Variants in CFAP61 observed in about 807,000 individuals in gnomAD.
CFAP61 encodes cilia- and flagella-associated protein 61.
Under a neutral mutation model 135.6 loss-of-function variants are expected in CFAP61, and 107 were observed. That is an observed-to-expected ratio of 0.79 (90% CI 0.67 to 0.93). The LOEUF (loss-of-function observed/expected upper bound fraction) is 0.93, where lower values mean the gene tolerates loss of function less well. Ranked by LOEUF, CFAP61 falls within the 40% of genes least tolerant of loss-of-function variation. CFAP61 has a pLI of 0.00. For synonymous variants in CFAP61, 575 were observed against 578.5 expected (o/e 0.99, Z 0.09); for missense variants, 1,507 against 1,556.2 (o/e 0.97, Z 0.53).
At chr20:20,276,945 G>T in intron 21 of CFAP61, among the ~76,000 whole-genome samples, 1 of 152,198 alleles carries the variant, frequency 6.6e-6, no homozygotes, top group Non-Finnish European at 1.5e-5. Flanking sequence ...GAACATAAAT[G>T]AATGTCCTAC....
chr20:20,291,945 A>G (rs2055027178), intron 24 of CFAP61, among the ~76,000 whole-genome samples: 1 of 152,182 alleles, frequency 6.6e-6, no homozygotes, highest in Non-Finnish European at 1.5e-5. Flanking sequence ...TTTGAGGGTA[A>G]ACAATATGAC....
Position 20,164,184 on chromosome 20 carries a change from T to G in CFAP61, c.1161T>G (p.Ala387=), listed in dbSNP as rs777029945. 1 of 1,614,078 alleles carries G rather than the reference T, an allele frequency of 6.2e-7. No individual in the cohort carries two copies. Among genetic ancestry groups the G allele is most frequent in the East Asian group, 2.2e-5 (1 of 44,882 alleles). The change falls in exon 11 of 27, where the codon GCT becomes GCG. Residue 387 remains alanine, a synonymous_variant. Coordinates refer to ENST00000245957, the MANE Select transcript of CFAP61 (RefSeq NM_015585.4). Reference sequence around the variant, plus strand: ...CCATCTACAGGGGAGCCTCAGCTGCTTTTTGTATTCAGCTGTTTTGTATTG... The same window carrying G: ...CCATCTACAGGGGAGCCTCAGCTGCGTTTTGTATTCAGCTGTTTTGTATTG... ...FRPIYRGASA[A]FCIQLFCIDE... is the part of the protein sequence containing the mutation.
chr20:20,298,267 G>C lies in CFAP61; in HGVS notation c.3303G>C (p.Thr1101=). ...INKYKMVETI[T]CLSREPFPAS... is the part of the protein sequence containing the mutation. ...AGTATAAAATGGTGGAAACCATCAC[G>C]TGCCTTTCTAGGGAGCCCTTCCCCG... The change falls in exon 25 of 27, where the codon ACG becomes ACC. Residue 1101 remains threonine, a synonymous_variant. Transcript: ENST00000245957. 6.2e-7 allele frequency: 1 copy of C among 1,613,920 alleles called. No individual in the cohort carries two copies. The highest frequency in any genetic ancestry group is 8.5e-7 in the Non-Finnish European group (1 of 1,179,896).
At chr20:20,185,826 C>T (rs2055456099) in intron 13 of CFAP61, among the ~76,000 whole-genome samples, 1 of 152,168 alleles carries the variant, frequency 6.6e-6, no homozygotes. Flanking sequence ...GACACCTATA[C>T]ATATGGTATT....
At chr20:20,309,247 G>T (rs1032759404) in intron 25 of CFAP61, among the ~76,000 whole-genome samples, 3 of 152,066 alleles carry the variant, frequency 2.0e-5, no homozygotes, top group African/African-American at 7.3e-5. Context: ...CACTCCAAAA[G>T]CAATATGTGT....
At chr20:20,174,206 C>T (rs888464235) in intron 13 of CFAP61, among the ~76,000 whole-genome samples, 10 of 152,296 alleles carry the variant, frequency 6.6e-5, no homozygotes, top group East Asian at 1.9e-4. Flanking sequence ...CATGTGTTGT[C>T]GCAGTTGCCA....
chr20:20,161,124 C>T (rs1290345277), intron 10 of CFAP61, among the ~76,000 whole-genome samples: 2 of 152,180 alleles, frequency 1.3e-5, no homozygotes, highest in African/African-American at 4.8e-5. Context: ...CACTAGGAGA[C>T]TCACTGACCA....
intron 25 of CFAP61, among the ~76,000 whole-genome samples, chr20:20,320,403 A>AATAATATTAT (rs2057409677): frequency 2.6e-5 from 2 of 76,630 alleles, no homozygotes; most frequent in Admixed American, 2.7e-4. Flanking sequence ...TAATATATGT[A>AATAATATTAT]ATATATGTAA....
At chr20:20,245,477 T>C (rs1382876315) in intron 18 of CFAP61, among the ~76,000 whole-genome samples, 1 of 152,164 alleles carries the variant, frequency 6.6e-6, no homozygotes, top group East Asian at 1.9e-4. Context: ...ACTTACTCAC[T>C]ATCATGAGAA....
chr20:20,200,579 C>A, intron 17 of CFAP61: 1 of 382,014 alleles, frequency 2.6e-6, no homozygotes, highest in Non-Finnish European at 3.6e-6. Flanking sequence ...ACATAATTTT[C>A]TCATGTTGAC....
At position 20,169,309 on chromosome 20, in the gene CFAP61, T is replaced by C. The variant is rs2054053625; in HGVS notation, c.1246-12T>C. 2 of 1,608,250 alleles carry C rather than the reference T, an allele frequency of 1.2e-6. No individual in the cohort carries two copies. Among genetic ancestry groups the C allele is most frequent in the South Asian group, 2.2e-5 (2 of 89,932 alleles). The stretch of plus-strand genomic sequence containing the variant: ...TATTCTTTCTCTGTGTCCTGGTTTT[T>C]GATGATGTTAGGATAAGAACTTCTG... On this transcript the variant is annotated splice_polypyrimidine_tract_variant and intron_variant, in intron 12 of 26. Transcript: ENST00000245957.
intron 26 of CFAP61, among the ~76,000 whole-genome samples, chr20:20,358,147 G>T (rs1702625035): frequency 7.2e-6 from 1 of 138,630 alleles, no homozygotes; most frequent in Non-Finnish European, 1.5e-5. Flanking sequence ...AGAGGAGGTG[G>T]TCACACTGAG....
chr20:20,199,635 T>A (rs936051389), intron 16 of CFAP61, 133 bp from the exon 17 acceptor site: 1 of 889,120 alleles, frequency 1.1e-6, no homozygotes, highest in African/African-American at 1.8e-5. Flanking sequence ...TATGTTTGTT[T>A]ATTTGCTGAT....
At chr20:20,058,635 A>G (rs1260410251) in intron 2 of CFAP61, among the ~76,000 whole-genome samples, 1 of 152,234 alleles carries the variant, frequency 6.6e-6, no homozygotes, top group Non-Finnish European at 1.5e-5. Flanking sequence ...TTAGCATGGA[A>G]TAGAGGGGGA....
intron 8 of CFAP61, among the ~76,000 whole-genome samples, chr20:20,139,881 A>G (rs1303653249): frequency 6.6e-6 from 1 of 152,250 alleles, no homozygotes; most frequent in Non-Finnish European, 1.5e-5. Context: ...TTTCCTAATT[A>G]TAAAAGAAGC....
intron 20 of CFAP61, among the ~76,000 whole-genome samples, chr20:20,254,786 G>T (rs779577634): frequency 6.6e-6 from 1 of 152,154 alleles, no homozygotes; most frequent in African/African-American, 2.4e-5. Context: ...ATGACAAACC[G>T]CAACCTCTAA....
rs1205648819 is a variant in CFAP61 at position 20,298,215 on chromosome 20, G to A, written c.3251G>A (p.Gly1084Glu). Residue 1084 changes from glycine (G) to glutamate (E), a missense_variant, in exon 25 of 27, where the codon GGG (glycine) becomes GAG (glutamate). Coordinates refer to ENST00000245957, the MANE Select transcript of CFAP61 (RefSeq NM_015585.4). ...LELVTGSAKN[G>E]TYFRIHINKY... ...CTAGTAACCGGCAGTGCGAAAAATGGGACTTACTTCCGAATTCATATTAAC... is the reference window on the plus strand; with the variant it reads ...CTAGTAACCGGCAGTGCGAAAAATGAGACTTACTTCCGAATTCATATTAAC... The A allele has an allele frequency of 1.2e-6, 2 of 1,614,036 alleles. No homozygotes were observed. Among genetic ancestry groups the A allele is most frequent in the Admixed American group, 1.7e-5 (1 of 60,012 alleles).
chr20:20,067,567 T>C (rs1342304497), intron 2 of CFAP61, among the ~76,000 whole-genome samples: 1 of 150,018 alleles, frequency 6.7e-6, no homozygotes, highest in Non-Finnish European at 1.5e-5. Flanking sequence ...ACTTGAACCC[T>C]GGATGGGGAG....
At chr20:20,340,291 C>T (rs979095347) in intron 25 of CFAP61, among the ~76,000 whole-genome samples, 2 of 152,188 alleles carry the variant, frequency 1.3e-5, no homozygotes, top group African/African-American at 4.8e-5. Context: ...AAAATTGCTA[C>T]ACAGCCCCCA....
Sources: gnomAD v4.1 joint callset for allele counts (sites outside exome capture counted in the v4.1 genomes callset) on GRCh38, gnomAD v4.1.1 for gene constraint, MANE v1.5 for transcripts, NCBI Gene and HGNC (gene_info 2026-07-23, HGNC 2026-07-21) for gene names.